GDPD4: variants seen among roughly 807,000 people sequenced by gnomAD.
The protein encoded by GDPD4 is glycerophosphodiester phosphodiesterase 6.
In GDPD4, 60 loss-of-function variants were observed where a neutral mutation model predicts 67.8. The ratio of observed to expected loss-of-function variants is 0.88; its 90% CI spans 0.72 to 1.10. The LOEUF is 1.10. Ranked by LOEUF, GDPD4 falls within the 50% of genes least tolerant of loss-of-function variation. The probability of loss-of-function intolerance (pLI) is 0.00; values close to 1 mark genes in which losing one functional copy is unlikely to be tolerated. For synonymous variants in GDPD4, 212 were observed against 210.9 expected (o/e 1.00, Z -0.04); for missense variants, 623 against 613.9 (o/e 1.01, Z -0.16).
intron 4 of GDPD4, among the ~76,000 whole-genome samples, chr11:77,278,576 T>C (rs921196846): frequency 6.6e-6 from 1 of 152,230 alleles, no homozygotes; most frequent in Non-Finnish European, 1.5e-5. Flanking sequence ...ATAAGTTTTG[T>C]TGAAAGAAAA....
At chr11:77,271,467 G>C (rs959207381) in intron 5 of GDPD4, 74 bp from the exon 6 acceptor site, 11 of 847,622 alleles carry the variant, frequency 1.3e-5, no homozygotes, top group Middle Eastern at 3.4e-4. Context: ...GGAATTATAT[G>C]TGTGTCTTCA....
chr11:77,269,075 A>G lies in GDPD4; in HGVS notation c.479-6T>C. On this transcript the variant is annotated splice_region_variant and splice_polypyrimidine_tract_variant and intron_variant, in intron 8 of 16. Transcript: ENST00000315938. ...TCCAACAGGCACTTGTAGACCTGAA[A>G]AATTTGAAAGGAAGGGGAAGTGGGG... The G allele has an allele frequency of 6.2e-7, 1 of 1,611,888 alleles. No homozygotes were observed. Among genetic ancestry groups the G allele is most frequent in the Non-Finnish European group, 8.5e-7 (1 of 1,179,174 alleles).
intron 13 of GDPD4, among the ~76,000 whole-genome samples, chr11:77,242,342 A>G (rs1958684041): frequency 6.6e-6 from 1 of 152,248 alleles, no homozygotes; most frequent in Admixed American, 6.5e-5. Flanking sequence ...AAACATTAAA[A>G]AACTTTGTAG....
chr11:77,220,800 C>G (rs563237403), intron 16 of GDPD4, among the ~76,000 whole-genome samples: 3 of 152,190 alleles, frequency 2.0e-5, no homozygotes, highest in South Asian at 4.2e-4. Context: ...CTCTTTGTAT[C>G]TCTGGTAGAA....
intron 1 of GDPD4, among the ~76,000 whole-genome samples, chr11:77,294,895 T>A (rs150923551): frequency 6.8e-4 from 104 of 152,048 alleles, no homozygotes; most frequent in African/African-American, 2.4e-3. Context: ...AAGGACAGGT[T>A]TTTTGACAAA....
intron 14 of GDPD4, 52 bp from the exon 15 acceptor site, chr11:77,229,284 G>A (rs1337536839): frequency 1.8e-6 from 2 of 1,120,498 alleles, no homozygotes; most frequent in South Asian, 2.7e-5. Context: ...AGGGATTTTG[G>A]ATCATACGGT....
intron 4 of GDPD4, among the ~76,000 whole-genome samples, chr11:77,277,622 A>G (rs1043354649): frequency 2.0e-5 from 3 of 150,866 alleles, no homozygotes; most frequent in African/African-American, 7.3e-5. Flanking sequence ...TATTGTGTCT[A>G]TTTGATTCTT....
Position 77,245,312 on chromosome 11 carries a change from AC to A in GDPD4, c.1054del (p.Val352Ter), listed in dbSNP as rs1167936271. On this transcript the variant is annotated frameshift_variant, in exon 12 of 17. Transcript: ENST00000315938. LOFTEE classifies it high-confidence loss of function. ...TTGCTCGATTTTAGAGGCAAGGATC[AC>A]GCTTACTACTTGGCGGACAAATGTG... The part of the protein sequence containing the change: ...RHTFVRQVVS[V>X]ILASKIEQHL... 1 of 1,614,172 alleles carries A rather than the reference AC, an allele frequency of 6.2e-7. No homozygotes were observed. Among genetic ancestry groups the A allele is most frequent in the Non-Finnish European group, 8.5e-7 (1 of 1,180,010 alleles).
intron 16 of GDPD4, among the ~76,000 whole-genome samples, chr11:77,221,039 G>A (rs1014520691): frequency 4.9e-4 from 75 of 152,214 alleles, no homozygotes; most frequent in Admixed American, 2.6e-4. Flanking sequence ...GTTTATTTGC[G>A]TGGAGAGTTT....
At chr11:77,235,023 T>G (rs1339013016) in intron 13 of GDPD4, among the ~76,000 whole-genome samples, 3 of 140,960 alleles carry the variant, frequency 2.1e-5, no homozygotes, top group East Asian at 2.1e-4. Context: ...TTTTTTTTTT[T>G]TTTTTTTTTT....
chr11:77,233,154 G>A lies in GDPD4; in HGVS notation c.1260C>T (p.Asn420=), dbSNP rs1215777089. The change falls in exon 14 of 17, where the codon AAC becomes AAT. Residue 420 remains asparagine (N), a synonymous_variant. Transcript: ENST00000315938. ...PNGLRDYKAA[N]IHINVYTVNE... ...TGACGGTGTATACGTTGATATGGAT[G>A]TTAGCTGCTTTATAATCTCTGGAAC... The A allele has an allele frequency of 6.2e-7, 1 of 1,613,796 alleles. No homozygotes were observed. The highest frequency in any genetic ancestry group is 1.7e-5 in the Admixed American group (1 of 60,022).
intron 3 of GDPD4, among the ~76,000 whole-genome samples, chr11:77,284,269 G>A (rs1251447115): frequency 2.0e-5 from 3 of 151,906 alleles, no homozygotes; most frequent in African/African-American, 7.3e-5. Flanking sequence ...TAAAAATTTT[G>A]TTAAAATGTT....
chr11:77,289,538 T>C (rs981038829), intron 1 of GDPD4, among the ~76,000 whole-genome samples: 3 of 151,776 alleles, frequency 2.0e-5, no homozygotes, highest in Admixed American at 6.6e-5. Flanking sequence ...GAGACCAGCC[T>C]GGCCAACATG....
Position 77,245,281 on chromosome 11 carries a change from C to T in GDPD4, c.1086G>A (p.Leu362=), listed in dbSNP as rs1591542527. 1.9e-5 allele frequency: 30 copies of T among 1,612,328 alleles called. No homozygotes were observed. The highest frequency in any genetic ancestry group is 2.5e-5 in the Non-Finnish European group (30 of 1,178,398). The part of the protein sequence containing the change: ...VILASKIEQH[L]IFWLPAHDRQ... ...GTCATAAATACTGAGATAGACTTACCAGATGTTGCTCGATTTTAGAGGCAA... is the reference window on the plus strand; with the variant it reads ...GTCATAAATACTGAGATAGACTTACTAGATGTTGCTCGATTTTAGAGGCAA... Residue 362 remains leucine, a splice_region_variant and synonymous_variant, in exon 12 of 17, where the codon CTG becomes CTA. Transcript: ENST00000315938.
intron 10 of GDPD4, among the ~76,000 whole-genome samples, chr11:77,266,139 T>C (rs1292267608): frequency 6.6e-6 from 1 of 152,198 alleles, no homozygotes; most frequent in Non-Finnish European, 1.5e-5. Context: ...AGTTTTTCTC[T>C]ATATGAACAT....
rs1347364019 is a variant in GDPD4 at position 77,279,451 on chromosome 11, C to T, written c.54-52G>A. On this transcript the variant is annotated intron_variant, in intron 3 of 16. Transcript: ENST00000315938. ...AAAATAATGCAGAAATCAGTAGCAT[C>T]TGTGTCAAGGATGGGGACAAAACCA... 5 of 1,149,272 alleles carry T rather than the reference C, an allele frequency of 4.4e-6. 1 individual carries two copies. In the South Asian group the frequency reaches 6.3e-5, roughly 14 times the overall value. The allele number at this position is 1,149,272 out of a possible 1,614,324, so 71.2% of individuals were successfully genotyped here.
At chr11:77,230,478 A>G (rs940187747) in intron 14 of GDPD4, among the ~76,000 whole-genome samples, 3 of 152,228 alleles carry the variant, frequency 2.0e-5, no homozygotes, top group African/African-American at 7.2e-5. Context: ...GAAACACTAC[A>G]AGGGTTTGAG....
chr11:77,296,487 A>AC (rs1171878924), intron 1 of GDPD4, among the ~76,000 whole-genome samples: 1 of 150,254 alleles, frequency 6.7e-6, no homozygotes, highest in Non-Finnish European at 1.5e-5. Flanking sequence ...TGCTCGGATA[A>AC]TTTTTTGTAT....
intron 16 of GDPD4, among the ~76,000 whole-genome samples, chr11:77,222,413 C>G (rs1239706044): frequency 6.6e-6 from 1 of 152,228 alleles, no homozygotes; most frequent in Non-Finnish European, 1.5e-5. Flanking sequence ...TTAGGGCAGG[C>G]CTGGTGGTGA....
Sources: allele counts gnomAD v4.1 joint callset (sites outside exome capture counted in the v4.1 genomes callset), GRCh38; gene constraint gnomAD v4.1.1; transcripts MANE v1.5; gene names NCBI Gene and HGNC (gene_info 2026-07-23, HGNC 2026-07-21).